The following TENM2 variants were observed in gnomAD, a reference collection of about 807,000 sequenced individuals.
TENM2 encodes teneurin-2.
In TENM2, 52 loss-of-function variants were observed where a neutral mutation model predicts 245.2. That is an observed-to-expected ratio of 0.21 (90% confidence interval 0.17 to 0.27). The LOEUF is 0.27. TENM2 is among the 10% of genes least tolerant of loss of function. TENM2 has a pLI of 1.00. For synonymous variants in TENM2, 1,363 were observed against 1,438.9 expected (o/e 0.95, Z 1.19); for missense variants, 3,046 against 3,666.8 (o/e 0.83, Z 4.37).
At chr5:167,075,091 G>A in the TENM2 span, among the ~76,000 whole-genome samples, 8 of 152,010 alleles carry the variant, frequency 5.3e-5, no homozygotes, top group Non-Finnish European at 8.8e-5. Flanking sequence ...TGTCAATTTT[G>A]GAAGAAATAG....
At chr5:167,635,675 C>T (rs985575450) in intron 2 of TENM2, among the ~76,000 whole-genome samples, 1 of 100,956 alleles carries the variant, frequency 9.9e-6, no homozygotes, top group African/African-American at 4.8e-5. Context: ...GACGGAGTCT[C>T]GCTCTGTCGC....
chr5:167,792,539 C>A (rs1765050108), intron 2 of TENM2, among the ~76,000 whole-genome samples: 1 of 151,916 alleles, frequency 6.6e-6, no homozygotes, highest in South Asian at 2.1e-4. Context: ...GACTTGAAGA[C>A]AACGTGTTCT....
At chr5:167,166,013 A>T in the TENM2 span, among the ~76,000 whole-genome samples, 1 of 152,194 alleles carries the variant, frequency 6.6e-6, no homozygotes, top group African/African-American at 2.4e-5. Flanking sequence ...TTGTATGAAT[A>T]TTCATATATT....
intron 2 of TENM2, among the ~76,000 whole-genome samples, chr5:167,701,111 A>G (rs1461025917): frequency 6.6e-6 from 1 of 152,202 alleles, no homozygotes; most frequent in Non-Finnish European, 1.5e-5. Context: ...TGTGACCACT[A>G]GTGCTTTCTA....
chr5:167,529,039 A>G lies in TENM2; in HGVS notation c.502+153566A>G, dbSNP rs183070679. 2.0e-5 allele frequency among the ~76,000 whole-genome samples: 3 copies of G among 152,312 alleles called. No individual in the cohort carries two copies. In the East Asian group the frequency reaches 5.8e-4, roughly 29 times the overall value. On this transcript the variant is annotated intron_variant, in intron 2 of 28. Transcript: ENST00000518659. ...TTCTCTAATAGTCTGCTTTAAATCT[A>G]TATCTAATAATGGTAAAGATAATAA...
At chr5:167,481,410 G>T (rs765187384) in intron 2 of TENM2, among the ~76,000 whole-genome samples, 2 of 152,108 alleles carry the variant, frequency 1.3e-5, no homozygotes, top group Non-Finnish European at 2.9e-5. Context: ...ATCTGAAAGC[G>T]ATTTAAAATG....
chr5:167,855,429 T>G (rs1289398088), intron 2 of TENM2, among the ~76,000 whole-genome samples: 1 of 152,136 alleles, frequency 6.6e-6, no homozygotes, highest in Non-Finnish European at 1.5e-5. Context: ...TATGCATACA[T>G]ATATATATGT....
intron 12 of TENM2, among the ~76,000 whole-genome samples, chr5:168,136,625 A>G (rs1040439414): frequency 5.9e-5 from 9 of 152,316 alleles, no homozygotes; most frequent in African/African-American, 7.2e-5. Context: ...CTTTTTGCCA[A>G]TAGTGGCTCT....
At chr5:167,235,856 G>A in the TENM2 span, among the ~76,000 whole-genome samples, 1 of 152,168 alleles carries the variant, frequency 6.6e-6, no homozygotes, top group Non-Finnish European at 1.5e-5. Context: ...GACCCAGGTT[G>A]CATACATGGT....
At chr5:167,280,748 ATCTG>A (rs77482566), upstream of TENM2, among the ~76,000 whole-genome samples, 179 of 132,292 alleles carry the variant, frequency 1.4e-3, no homozygotes, top group East Asian at 0.012. Flanking sequence ...CTGTCTGTCT[ATCTG>A]TCTGTCTATC....
At chr5:167,159,017 A>T in the TENM2 span, among the ~76,000 whole-genome samples, 1 of 145,332 alleles carries the variant, frequency 6.9e-6, no homozygotes, top group African/African-American at 2.6e-5. Flanking sequence ...GCAGTGGCGT[A>T]TCTCAGCTCA....
chr5:167,470,823 A>G (rs759717355), intron 2 of TENM2, among the ~76,000 whole-genome samples: 1 of 152,144 alleles, frequency 6.6e-6, no homozygotes, highest in African/African-American at 2.4e-5. Flanking sequence ...AATAGCATCC[A>G]GAAACTGTTC....
the TENM2 span, among the ~76,000 whole-genome samples, chr5:167,048,485 T>C: frequency 6.6e-6 from 1 of 152,166 alleles, no homozygotes; most frequent in East Asian, 1.9e-4. Context: ...ACACCGCACA[T>C]ACACACAACT....
At chr5:167,355,355 T>C (rs938063903) in intron 1 of TENM2, among the ~76,000 whole-genome samples, 1 of 108,854 alleles carries the variant, frequency 9.2e-6, no homozygotes, top group Admixed American at 1.1e-4. Context: ...GAAAGGACCA[T>C]TCTGATTTTC....
chr5:167,288,233 TAAAC>T (rs1754405301), intron 1 of TENM2, among the ~76,000 whole-genome samples: 1 of 152,084 alleles, frequency 6.6e-6, no homozygotes, highest in South Asian at 2.1e-4. Flanking sequence ...TTAGGTATAT[TAAAC>T]AAACAACAAT....
At chr5:167,174,513 G>A in the TENM2 span, among the ~76,000 whole-genome samples, 1 of 152,102 alleles carries the variant, frequency 6.6e-6, no homozygotes, top group Non-Finnish European at 1.5e-5. Flanking sequence ...TGTACCCAAT[G>A]TAAGTAGTAT....
At chr5:167,622,842 T>G (rs1778262176) in intron 2 of TENM2, among the ~76,000 whole-genome samples, 1 of 152,116 alleles carries the variant, frequency 6.6e-6, no homozygotes, top group Admixed American at 6.6e-5. Flanking sequence ...ATCTCACCTT[T>G]AGAGTTTTTG....
At chr5:167,044,583 T>C in the TENM2 span, among the ~76,000 whole-genome samples, 2 of 151,866 alleles carry the variant, frequency 1.3e-5, no homozygotes, top group African/African-American at 4.8e-5. Context: ...ACATAGAGAG[T>C]TAGCAGAAAA....
chr5:167,786,678 CAAA>C (rs1194478242), intron 2 of TENM2, among the ~76,000 whole-genome samples: 1 of 152,066 alleles, frequency 6.6e-6, no homozygotes, highest in African/African-American at 2.4e-5. Flanking sequence ...GACCTTGGTC[CAAA>C]AAAGGGGATG....
Sources: allele counts gnomAD v4.1 joint callset (sites outside exome capture counted in the v4.1 genomes callset), GRCh38; gene constraint gnomAD v4.1.1; transcripts MANE v1.5; gene names NCBI Gene and HGNC (gene_info 2026-07-23, HGNC 2026-07-21).